The following NLRP14 variants were observed in gnomAD, a reference collection of about 807,000 sequenced individuals.
NLRP14 encodes the protein NACHT, LRR and PYD domains-containing protein 14.
Under a neutral mutation model 94.7 loss-of-function variants are expected in NLRP14, and 105 were observed. The observed-to-expected ratio is 1.11, with a 90% CI of 0.95 to 1.30. The LOEUF (loss-of-function observed/expected upper bound fraction) is 1.30, where lower values mean the gene tolerates loss of function less well. Among genes scored for constraint, NLRP14 ranks in the 50% most tolerant of loss-of-function variants. The pLI, the probability that NLRP14 is intolerant of heterozygous loss-of-function variation, is 0.00. For missense variants in NLRP14, 1,362 were observed against 1,254.1 expected, an observed-to-expected ratio of 1.09 and a Z score of -1.30; for synonymous variants, 508 against 459.9, an observed-to-expected ratio of 1.10 and a Z score of -1.34.
At chr11:7,084,500 G>A in the NLRP14 span, among the ~76,000 whole-genome samples, 1 of 152,110 alleles carries the variant, frequency 6.6e-6, no homozygotes, top group Non-Finnish European at 1.5e-5. Flanking sequence ...ATGGACTAGA[G>A]ATTGACTTAA....
At chr11:7,078,757 C>T in the NLRP14 span, among the ~76,000 whole-genome samples, 16 of 152,018 alleles carry the variant, frequency 1.1e-4, no homozygotes, top group Admixed American at 4.6e-4. Context: ...CATTGCACTC[C>T]AGCCTGGGTG....
At chr11:7,048,645 G>T (rs1310059075) in intron 5 of NLRP14, among the ~76,000 whole-genome samples, 2 of 152,144 alleles carry the variant, frequency 1.3e-5, no homozygotes, top group Non-Finnish European at 1.5e-5. Context: ...AAGACAACTA[G>T]ATGTATGTTA....
chr11:7,085,331 C>G, the NLRP14 span, among the ~76,000 whole-genome samples: 1 of 152,150 alleles, frequency 6.6e-6, no homozygotes, highest in Non-Finnish European at 1.5e-5. Flanking sequence ...TAACCAATCC[C>G]CAGAACTTTT....
chr11:7,030,480 G>A (rs1032937465), intron 1 of NLRP14, among the ~76,000 whole-genome samples: 9 of 152,072 alleles, frequency 5.9e-5, no homozygotes, highest in Non-Finnish European at 1.2e-4. Flanking sequence ...CTTAGCAGTG[G>A]CTTCTCTTGC....
intron 3 of NLRP14, among the ~76,000 whole-genome samples, chr11:7,041,034 G>A (rs550469327): frequency 6.6e-6 from 1 of 152,212 alleles, no homozygotes; most frequent in South Asian, 2.1e-4. Context: ...GGAAAATACT[G>A]TAAGTACAAA....
chr11:7,064,748 C>A (rs1056402715), intron 10 of NLRP14, among the ~76,000 whole-genome samples: 1 of 152,064 alleles, frequency 6.6e-6, no homozygotes, highest in Non-Finnish European at 1.5e-5. Context: ...AATTAGGAAG[C>A]TTTGGAGCCT....
Position 7,042,766 on chromosome 11 carries a change from T to TC in NLRP14, c.741dup (p.Met248HisfsTer6). 6.2e-7 allele frequency: 1 copy of TC among 1,614,178 alleles called. No individual in the cohort carries two copies. Among genetic ancestry groups the TC allele is most frequent in the Non-Finnish European group, 8.5e-7 (1 of 1,180,020 alleles). On this transcript the variant is annotated frameshift_variant, in exon 4 of 12. Coordinates refer to ENST00000299481, the MANE Select transcript of NLRP14 (RefSeq NM_176822.4). LOFTEE classifies it high-confidence loss of function. ...AGCACAGAAGGCCCCATTGAAGAAA[T>TC]CATGTACCAGCCAAGTAGCCTCTTG...
chr11:7,020,774 A>G lies in NLRP14; in HGVS notation c.-22+4A>G, dbSNP rs930180811. The G allele has an allele frequency of 2.6e-5, 4 of 152,324 alleles. No individual in the cohort carries two copies. Among genetic ancestry groups the G allele is most frequent in the Admixed American group, 2.6e-4 (4 of 15,288 alleles). 9.4% of individuals were successfully genotyped at this position (152,324 alleles called of 1,614,324 possible). ...CTAGCATCGCTCTAAACTCAAGGTT[A>G]GAGGTTTTCAAATTCCGTCCTATTG... On this transcript the variant is annotated splice_donor_region_variant and intron_variant, in intron 1 of 11. Transcript: ENST00000299481.
intron 8 of NLRP14, among the ~76,000 whole-genome samples, 178 bp downstream of exon 8, chr11:7,058,628 T>G (rs1322312568): frequency 6.6e-6 from 1 of 151,884 alleles, no homozygotes; most frequent in African/African-American, 2.4e-5. Flanking sequence ...CTCTGGATCT[T>G]GTTTTAAACA....
At chr11:7,038,929 G>T in intron 2 of NLRP14, 54 bp downstream of exon 2, 2 of 1,538,562 alleles carry the variant, frequency 1.3e-6, no homozygotes, top group South Asian at 2.3e-5. Flanking sequence ...GTGTTTCCTG[G>T]AGCCCAGTGG....
At chr11:7,090,825 ATTTAGATCAAATG>A in the NLRP14 span, 1 of 172,196 alleles carries the variant, frequency 5.8e-6, no homozygotes, top group African/African-American at 2.4e-5. Flanking sequence ...AACAAAAGTG[ATTTAGATCAAATG>A]TTTATGTAAA....
At chr11:7,030,825 G>A (rs879904836) in intron 1 of NLRP14, among the ~76,000 whole-genome samples, 1 of 152,152 alleles carries the variant, frequency 6.6e-6, no homozygotes, top group Non-Finnish European at 1.5e-5. Context: ...TCAATTCCCC[G>A]ACTTCCTCTT....
intron 3 of NLRP14, 121 bp from the exon 4 acceptor site, chr11:7,042,267 C>T: frequency 2.7e-6 from 2 of 734,592 alleles, no homozygotes; most frequent in Non-Finnish European, 4.6e-6. Context: ...GCTCTGATTT[C>T]AGCCTATGTT....
intron 7 of NLRP14, 140 bp from the exon 8 acceptor site, chr11:7,058,140 C>T (rs1565023552): frequency 4.1e-6 from 3 of 730,130 alleles, no homozygotes; most frequent in East Asian, 2.6e-5. Context: ...CAATGGAATT[C>T]GTAATTTAAA....
chr11:7,065,480 C>T (rs1467926442), intron 10 of NLRP14, among the ~76,000 whole-genome samples: 5 of 152,072 alleles, frequency 3.3e-5, no homozygotes, highest in African/African-American at 1.2e-4. Flanking sequence ...ACAATCACAT[C>T]ATTTGGGAAT....
rs765757673 is a variant in NLRP14 at position 7,071,319 on chromosome 11, C to G, written c.*11C>G. Reference sequence around the variant, plus strand: ...TGGTGGTGTTTCTGATTTGAAGAAACTGACATTCCTTTAAAAATATAAATA... The same window carrying G: ...TGGTGGTGTTTCTGATTTGAAGAAAGTGACATTCCTTTAAAAATATAAATA... On this transcript the variant is annotated 3_prime_UTR_variant, in exon 12 of 12. Transcript: ENST00000299481. 1.9e-6 allele frequency: 3 copies of G among 1,606,566 alleles called. No individual in the cohort carries two copies. Among genetic ancestry groups the G allele is most frequent in the Non-Finnish European group, 1.7e-6 (2 of 1,173,838 alleles).
intron 1 of NLRP14, among the ~76,000 whole-genome samples, chr11:7,023,524 A>AATATTT (rs1851973843): frequency 6.9e-6 from 1 of 144,506 alleles, no homozygotes; most frequent in African/African-American, 2.5e-5. Context: ...TAATATATAA[A>AATATTT]ATATATTTAT....
At chr11:7,044,138 C>A (rs1367438397) in intron 4 of NLRP14, among the ~76,000 whole-genome samples, 154 bp downstream of exon 4, 1 of 152,144 alleles carries the variant, frequency 6.6e-6, no homozygotes, top group Non-Finnish European at 1.5e-5. Flanking sequence ...ATTTAAACCC[C>A]TTATTGACCA....
intron 10 of NLRP14, among the ~76,000 whole-genome samples, chr11:7,069,650 G>A (rs954368737): frequency 1.3e-5 from 2 of 150,922 alleles, no homozygotes; most frequent in Admixed American, 6.6e-5. Flanking sequence ...TTTTTGAGAC[G>A]GAGTCTTGCT....
Sources: allele counts gnomAD v4.1 joint callset (sites outside exome capture counted in the v4.1 genomes callset), GRCh38; gene constraint gnomAD v4.1.1; transcripts MANE v1.5; gene names NCBI Gene and HGNC (gene_info 2026-07-23, HGNC 2026-07-21).